AFF1: variants seen among roughly 807,000 people sequenced by gnomAD.
AFF1 encodes ALF transcription elongation factor 1, also known as AF4/FMR2 family member 1.
A neutral mutation model predicts 121.7 loss-of-function variants in AFF1; 48 were observed. The observed-to-expected ratio is 0.39, with a 90% confidence interval of 0.31 to 0.50. AFF1 has a LOEUF of 0.50. Among genes scored for constraint, AFF1 ranks in the 20% least tolerant of loss-of-function variants. The pLI is 0.76. For synonymous variants in AFF1, 613 were observed against 563.0 expected (o/e 1.09, Z -1.26); for missense variants, 1,523 against 1,511.7 (o/e 1.01, Z -0.12).
chr4:87,047,063 C>T lies in AFF1; in HGVS notation c.528C>T (p.Phe176=), dbSNP rs143760054. 9.7e-5 allele frequency: 157 copies of T among 1,614,152 alleles called. No individual in the cohort carries two copies. In the African/African-American group the frequency reaches 1.7e-3, roughly 18 times the overall value. Residue 176 remains phenylalanine, a synonymous_variant, in exon 4 of 21, where the codon TTC becomes TTT. Transcript: ENST00000395146. The part of the protein sequence containing the change: ...LTQDRLGQEG[F]GSSHHKKGDR... ...AGGATCGCCTTGGTCAGGAGGGGTT[C>T]GGCTCTAGTCATCACAAGAAAGGTG...
chr4:87,030,288 ACCAAAG>A (rs1358308547), intron 2 of AFF1, among the ~76,000 whole-genome samples: 1 of 152,208 alleles, frequency 6.6e-6, no homozygotes, highest in Non-Finnish European at 1.5e-5. Flanking sequence ...CTGTGGTGGG[ACCAAAG>A]CATCCATAAA....
At chr4:87,086,435 C>T (rs995096996) in intron 5 of AFF1, among the ~76,000 whole-genome samples, 1 of 152,158 alleles carries the variant, frequency 6.6e-6, no homozygotes, top group East Asian at 1.9e-4. Context: ...CCTTCCCACC[C>T]AGGATCACGT....
intron 4 of AFF1, among the ~76,000 whole-genome samples, chr4:87,074,679 C>T (rs936042809): frequency 6.6e-6 from 1 of 152,144 alleles, no homozygotes; most frequent in Non-Finnish European, 1.5e-5. Flanking sequence ...AACATTTCTG[C>T]GTATAAAACA....
At chr4:87,131,635 G>A (rs1198376286) in intron 17 of AFF1, among the ~76,000 whole-genome samples, 158 bp from the exon 18 acceptor site, 2 of 152,160 alleles carry the variant, frequency 1.3e-5, no homozygotes, top group Non-Finnish European at 2.9e-5. Flanking sequence ...TCAATGGCCT[G>A]GATTGTTGCT....
intron 2 of AFF1, among the ~76,000 whole-genome samples, chr4:86,960,452 A>C (rs1722068358): frequency 1.3e-5 from 2 of 152,160 alleles, no homozygotes; most frequent in Admixed American, 6.5e-5. Flanking sequence ...AAACTCCTTT[A>C]TTCCTGTGCA....
intron 4 of AFF1, among the ~76,000 whole-genome samples, chr4:87,051,689 C>CA (rs1412972527): frequency 1.3e-5 from 2 of 151,942 alleles, no homozygotes; most frequent in African/African-American, 2.4e-5. Flanking sequence ...AGGATGGTCT[C>CA]AATCTCTTGA....
At chr4:87,097,697 T>C (rs555681491) in intron 8 of AFF1, among the ~76,000 whole-genome samples, 1 of 151,976 alleles carries the variant, frequency 6.6e-6, no homozygotes, top group Non-Finnish European at 1.5e-5. Flanking sequence ...GAGTAGATAA[T>C]GAGGGTTGTG....
chr4:87,085,816 G>A (rs1723672734), intron 5 of AFF1, among the ~76,000 whole-genome samples: 1 of 149,914 alleles, frequency 6.7e-6, no homozygotes, highest in Non-Finnish European at 1.5e-5. Flanking sequence ...CTTGGCCACT[G>A]CAATCTCCAC....
intron 2 of AFF1, chr4:86,949,789 G>A (rs1017463774): frequency 6.2e-7 from 1 of 1,613,744 alleles, no homozygotes; most frequent in South Asian, 1.1e-5. Context: ...GGGAGAACAG[G>A]GCCACTGGGA....
intron 1 of AFF1, among the ~76,000 whole-genome samples, chr4:86,943,855 GGGAGGCTGAGGCA>G (rs1334859752): frequency 6.6e-6 from 1 of 151,828 alleles, no homozygotes; most frequent in East Asian, 1.9e-4. Context: ...CCAGCTACTC[GGGAGGCTGAGGCA>G]GGAGAATCGC....
chr4:86,935,763 T>A (rs1578800963), intron 1 of AFF1: 1 of 152,078 alleles, frequency 6.6e-6, no homozygotes, highest in Non-Finnish European at 1.5e-5. Context: ...GTGTCGGTGG[T>A]CCGTAGCCTC....
At chr4:86,951,617 T>C (rs746356800) in intron 2 of AFF1, among the ~76,000 whole-genome samples, 8 of 54,834 alleles carry the variant, frequency 1.5e-4, no homozygotes, top group African/African-American at 5.6e-4. Context: ...TCTTTTTTCT[T>C]TTTTTCTTTT....
intron 4 of AFF1, among the ~76,000 whole-genome samples, chr4:87,069,074 CTTCTT>C (rs1204203737): frequency 3.9e-5 from 6 of 152,206 alleles, no homozygotes; most frequent in African/African-American, 1.2e-4. Flanking sequence ...TCCCCCTTCT[CTTCTT>C]TTCTTTTGCC....
At chr4:86,935,941 A>T (rs1386953059) in intron 1 of AFF1, 1 of 152,274 alleles carries the variant, frequency 6.6e-6, no homozygotes, top group East Asian at 1.9e-4. Context: ...CGCCGGAGCC[A>T]GCGAATGAGA....
chr4:86,969,725 A>C (rs1435266035), intron 2 of AFF1, among the ~76,000 whole-genome samples: 1 of 151,450 alleles, frequency 6.6e-6, no homozygotes, highest in African/African-American at 2.4e-5. Flanking sequence ...CTAACAATAC[A>C]AAAAATGAGC....
At chr4:86,975,417 A>G (rs140020358) in intron 2 of AFF1, among the ~76,000 whole-genome samples, 10 of 152,070 alleles carry the variant, frequency 6.6e-5, no homozygotes, top group African/African-American at 2.4e-4. Flanking sequence ...CACATAGCTA[A>G]TTTTTATATT....
chr4:86,959,608 A>ACTT (rs1722003807), intron 2 of AFF1, among the ~76,000 whole-genome samples: 1 of 151,184 alleles, frequency 6.6e-6, no homozygotes, highest in Non-Finnish European at 1.5e-5. Context: ...GAGTGCTGGT[A>ACTT]CTTTCCTTGC....
chr4:87,057,862 A>G (rs1391240376), intron 4 of AFF1, among the ~76,000 whole-genome samples: 3 of 152,178 alleles, frequency 2.0e-5, no homozygotes, highest in Non-Finnish European at 4.4e-5. Flanking sequence ...TGGGTTTGCC[A>G]TGGTGTTAAA....
At chr4:87,057,240 G>C (rs1720241531) in intron 4 of AFF1, among the ~76,000 whole-genome samples, 1 of 152,178 alleles carries the variant, frequency 6.6e-6, no homozygotes, top group South Asian at 2.1e-4. Context: ...GTTGGGCATG[G>C]GCAGAGGAGA....
Sources: allele counts gnomAD v4.1 joint callset (sites outside exome capture counted in the v4.1 genomes callset), GRCh38; gene constraint gnomAD v4.1.1; transcripts MANE v1.5; gene names NCBI Gene and HGNC (gene_info 2026-07-23, HGNC 2026-07-21).